The following ATP8A2 variants were observed in gnomAD, a reference collection of about 807,000 sequenced individuals.
ATP8A2 encodes the protein ATPase phospholipid transporting 8A2.
In ATP8A2, 100 loss-of-function variants were observed where a neutral mutation model predicts 165.6. The ratio of observed to expected loss-of-function variants is 0.60; its 90% confidence interval spans 0.51 to 0.71. ATP8A2 has a LOEUF of 0.71. ATP8A2 is among the 30% of genes least tolerant of loss of function. The pLI, the probability that ATP8A2 is intolerant of heterozygous loss-of-function variation, is 0.00. For missense variants in ATP8A2, 1,227 were observed against 1,479.5 expected (o/e 0.83, Z 2.80); for synonymous variants, 543 against 548.8 (o/e 0.99, Z 0.15).
rs1191329945 is a variant in ATP8A2, at chr13:25,774,939, G to A, written c.2659G>A (p.Val887Met). The A allele has an allele frequency of 3.7e-6, 6 of 1,609,184 alleles. 1 individual carries two copies. Among genetic ancestry groups the A allele is most frequent in the African/African-American group, 2.7e-5 (2 of 74,814 alleles). Reference sequence around the variant, plus strand: ...CATCTTGTACTGCTTCTATAAGAACGTGGTCCTGTATATTATTGAGGTAAG... The same window carrying A: ...CATCTTGTACTGCTTCTATAAGAACATGGTCCTGTATATTATTGAGGTAAG... ...KCILYCFYKN[V>M]VLYIIELWFA... Residue 887 changes from valine (V) to methionine (M), a missense_variant, in exon 27 of 37, where the codon GTG becomes ATG. Physicochemically the swap from Val to Met is conservative, Grantham distance 21. Around this residue, in one of 5 missense-constraint regions of ATP8A2, gnomAD observed 592 missense variants for 785.6 expected, o/e 0.75. Coordinates refer to ENST00000381655, the MANE Select transcript of ATP8A2 (RefSeq NM_016529.6).
rs750686217 is a variant in ATP8A2, at chr13:25,574,872, C to G, written c.1712+15C>G. The stretch of plus-strand genomic sequence containing the variant: ...GAATTTTCTAGGTATGTTTCTCTTT[C>G]ATACGTTTGAAATAAAATAATTATA... On this transcript the variant is annotated intron_variant, in intron 19 of 36. Transcript: ENST00000381655. 1 of 1,401,758 alleles carries G rather than the reference C, an allele frequency of 7.1e-7. No homozygotes were observed. The allele number at this position is 1,401,758 out of a possible 1,614,324, so 86.8% of individuals were successfully genotyped here.
At chr13:25,563,771 A>C (rs1366917149) in intron 15 of ATP8A2, among the ~76,000 whole-genome samples, 185 bp from the exon 16 acceptor site, 1 of 152,208 alleles carries the variant, frequency 6.6e-6, no homozygotes, top group Non-Finnish European at 1.5e-5. Flanking sequence ...TATTTATAGT[A>C]AACTCCAGGA....
chr13:25,616,405 C>A (rs2040828031), intron 24 of ATP8A2, among the ~76,000 whole-genome samples: 1 of 144,690 alleles, frequency 6.9e-6, no homozygotes, highest in African/African-American at 2.6e-5. Context: ...CATCTCGGCT[C>A]ACTGCAACCT....
chr13:25,857,536 T>C (rs1952203059), intron 30 of ATP8A2, among the ~76,000 whole-genome samples: 1 of 150,654 alleles, frequency 6.6e-6, no homozygotes, highest in Admixed American at 6.6e-5. Context: ...CCACCACACT[T>C]GGCTAATATG....
At chr13:25,522,382 GT>G (rs1028123563) in intron 2 of ATP8A2, among the ~76,000 whole-genome samples, 2 of 152,044 alleles carry the variant, frequency 1.3e-5, no homozygotes, top group African/African-American at 2.4e-5. Context: ...TTCCTTTCCA[GT>G]TCGGATGCCC....
rs151312876 is a variant in ATP8A2, at chr13:25,644,111, A to T, written c.2211+54412A>T. On this transcript the variant is annotated intron_variant, in intron 24 of 36. Coordinates refer to ENST00000381655, the MANE Select transcript of ATP8A2 (RefSeq NM_016529.6). ...AGTTGACTTTAGATTTTGCAACTTT[A>T]TTGTATTTATTAGTTCTGAGTTTTT... is the stretch of plus-strand genomic sequence containing the variant. Among the ~76,000 whole-genome samples the T allele has an allele frequency of 2.4e-3, 367 of 151,860 alleles. 4 individuals are homozygous for T. Among genetic ancestry groups the T allele is most frequent in the African/African-American group, 7.6e-3 (315 of 41,444 alleles).
chr13:25,537,658 A>G (rs1434140717), intron 6 of ATP8A2, among the ~76,000 whole-genome samples: 1 of 152,152 alleles, frequency 6.6e-6, no homozygotes, highest in Non-Finnish European at 1.5e-5. Context: ...ACCCTACTGT[A>G]TACAGCTATG....
chr13:25,706,299 G>A (rs189047656), intron 25 of ATP8A2, among the ~76,000 whole-genome samples: 2 of 152,084 alleles, frequency 1.3e-5, no homozygotes, highest in African/African-American at 2.4e-5. Context: ...TAACACACTG[G>A]CAGTGTATCA....
chr13:25,387,410 G>A (rs955612218), intron 1 of ATP8A2, among the ~76,000 whole-genome samples: 2 of 152,052 alleles, frequency 1.3e-5, no homozygotes, highest in African/African-American at 2.4e-5. Flanking sequence ...CTAGGTTATT[G>A]TAGCACATTC....
At chr13:25,866,034 C>T (rs1392817403) in intron 33 of ATP8A2, among the ~76,000 whole-genome samples, 1 of 152,142 alleles carries the variant, frequency 6.6e-6, no homozygotes, top group Non-Finnish European at 1.5e-5. Context: ...TAGGTCACCA[C>T]CTTCCCCAAA....
intron 1 of ATP8A2, among the ~76,000 whole-genome samples, chr13:25,387,236 C>T (rs1470114544): frequency 1.3e-5 from 2 of 152,122 alleles, no homozygotes; most frequent in Non-Finnish European, 2.9e-5. Context: ...GATGCTTTAG[C>T]AGGAGTTTAA....
intron 25 of ATP8A2, among the ~76,000 whole-genome samples, chr13:25,753,590 T>G (rs1260998747): frequency 6.6e-6 from 1 of 152,208 alleles, no homozygotes; most frequent in Non-Finnish European, 1.5e-5. Flanking sequence ...AACATGGTGC[T>G]GGTATTGCAG....
intron 33 of ATP8A2, among the ~76,000 whole-genome samples, chr13:25,934,011 G>A (rs1954826541): frequency 6.6e-6 from 1 of 152,172 alleles, no homozygotes; most frequent in Non-Finnish European, 1.5e-5. Context: ...ATGTATGCTT[G>A]TAGCTAACCA....
chr13:26,019,775 G>A (rs777747377), intron 36 of ATP8A2, 113 bp from the exon 37 acceptor site: 8 of 693,170 alleles, frequency 1.2e-5, no homozygotes, highest in Non-Finnish European at 1.8e-5. Context: ...AGGCTAAGGA[G>A]GCCAGATGTC....
At chr13:25,755,639 G>A (rs897046065) in intron 25 of ATP8A2, among the ~76,000 whole-genome samples, 2 of 152,176 alleles carry the variant, frequency 1.3e-5, no homozygotes, top group African/African-American at 4.8e-5. Flanking sequence ...GAGCACGGTG[G>A]CTCATGCCTG....
chr13:25,436,499 T>C (rs548119720), intron 1 of ATP8A2, among the ~76,000 whole-genome samples: 1 of 152,218 alleles, frequency 6.6e-6, no homozygotes, highest in Non-Finnish European at 1.5e-5. Flanking sequence ...ATTTTCTTTA[T>C]CCAGGCCACC....
chr13:25,823,803 A>G (rs1387460632), intron 27 of ATP8A2, among the ~76,000 whole-genome samples: 7 of 152,142 alleles, frequency 4.6e-5, no homozygotes, highest in Non-Finnish European at 1.0e-4. Flanking sequence ...AGGGTATTTC[A>G]GAAAATTTTC....
chr13:25,798,992 G>C (rs1950555918), intron 27 of ATP8A2, among the ~76,000 whole-genome samples: 1 of 145,662 alleles, frequency 6.9e-6, no homozygotes, highest in African/African-American at 2.5e-5. Flanking sequence ...CCATCTCTAA[G>C]AAAAAAAAAA....
chr13:25,442,563 A>G (rs956442004), intron 1 of ATP8A2, among the ~76,000 whole-genome samples: 1 of 152,130 alleles, frequency 6.6e-6, no homozygotes, highest in African/African-American at 2.4e-5. Context: ...ATGGGTGCAC[A>G]CCACCGTACC....
Sources: allele counts gnomAD v4.1 joint callset (sites outside exome capture counted in the v4.1 genomes callset), GRCh38; gene constraint gnomAD v4.1.1; regional missense constraint gnomAD v4.1.1; transcripts MANE v1.5; gene names NCBI Gene and HGNC (gene_info 2026-07-23, HGNC 2026-07-21).